The following LRRFIP1 variants were observed in gnomAD, a reference collection of about 807,000 sequenced individuals.
The protein encoded by LRRFIP1 is leucine-rich repeat flightless-interacting protein 1.
In LRRFIP1, 62 loss-of-function variants were observed where a neutral mutation model predicts 104.4. The observed-to-expected ratio is 0.59, with a 90% CI of 0.48 to 0.73. The LOEUF is 0.73. Among genes scored for constraint, LRRFIP1 ranks in the 30% least tolerant of loss-of-function variants. The pLI is 0.00. For synonymous variants in LRRFIP1, 300 were observed against 299.0 expected (o/e 1.00, Z -0.03); for missense variants, 796 against 824.5 (o/e 0.97, Z 0.42).
chr2:237,762,934 A>G (rs760850573), intron 19 of LRRFIP1: 103 of 1,614,146 alleles, frequency 6.4e-5, no homozygotes, highest in Middle Eastern at 1.6e-4. Flanking sequence ...CCCTTGAGCC[A>G]TCCAACTGTT....
chr2:237,705,547 C>T (rs2093760895), intron 1 of LRRFIP1, among the ~76,000 whole-genome samples: 1 of 152,042 alleles, frequency 6.6e-6, no homozygotes, highest in Non-Finnish European at 1.5e-5. Context: ...CCCTGTAGTG[C>T]CAGCTACTTG....
intron 1 of LRRFIP1, 142 bp from the exon 2 acceptor site, chr2:237,708,402 T>A: frequency 1.6e-6 from 1 of 621,658 alleles, no homozygotes. Flanking sequence ...CTGACCACCC[T>A]TTTACTCTAT....
intron 13 of LRRFIP1, 129 bp from the exon 14 acceptor site, chr2:237,751,071 G>A (rs142315972): frequency 1.3e-4 from 78 of 604,204 alleles, no homozygotes; most frequent in Middle Eastern, 1.3e-3. Context: ...TTCCCTTAAC[G>A]CTTAATAAAA....
rs752898710 is a variant in LRRFIP1, at chr2:237,720,826, A to G, written c.345+4A>G. 1.4e-5 allele frequency: 23 copies of G among 1,613,858 alleles called. No homozygotes were observed. In the East Asian group the frequency reaches 4.7e-4, roughly 33 times the overall value. On this transcript the variant is annotated splice_donor_region_variant and intron_variant, in intron 6 of 23. Coordinates refer to ENST00000308482, the MANE Select transcript of LRRFIP1 (RefSeq NM_001137550.2). ...GGGTAGTCGTGGAAGCCTGAGGGTC[A>G]GTAACCAGAATGATGGAGTTTGCAT... is the stretch of plus-strand genomic sequence containing the variant.
intron 10 of LRRFIP1, among the ~76,000 whole-genome samples, chr2:237,736,574 A>C (rs55981069): frequency 6.6e-6 from 1 of 152,326 alleles, no homozygotes; most frequent in East Asian, 1.9e-4. Context: ...GATGCTCTCC[A>C]GATGCTACTG....
At chr2:237,768,612 CAG>C (rs2060384758) in intron 19 of LRRFIP1, 1 of 152,088 alleles carries the variant, frequency 6.6e-6, no homozygotes, top group Non-Finnish European at 1.5e-5. Context: ...AAACATCTGT[CAG>C]AAGTAATTTG....
At chr2:237,689,473 C>G (rs899122120) in intron 1 of LRRFIP1, among the ~76,000 whole-genome samples, 3 of 152,098 alleles carry the variant, frequency 2.0e-5, no homozygotes, top group African/African-American at 7.2e-5. Flanking sequence ...AGAAACCAGC[C>G]ATTATTTTAT....
intron 1 of LRRFIP1, among the ~76,000 whole-genome samples, chr2:237,698,194 A>G (rs1396077327): frequency 6.6e-6 from 1 of 152,260 alleles, no homozygotes. Flanking sequence ...AAACAGACAC[A>G]GTCTGTGGAC....
chr2:237,647,983 AACTT>A (rs986685511), intron 1 of LRRFIP1, among the ~76,000 whole-genome samples: 1 of 152,114 alleles, frequency 6.6e-6, no homozygotes, highest in Non-Finnish European at 1.5e-5. Flanking sequence ...CTGGGGGAAG[AACTT>A]ACTTGTTTCT....
intron 14 of LRRFIP1, among the ~76,000 whole-genome samples, chr2:237,752,962 A>G (rs996365139): frequency 1.3e-5 from 2 of 152,084 alleles, no homozygotes; most frequent in South Asian, 4.1e-4. Context: ...ACAGCCTGAC[A>G]CCCAGCCCTA....
intron 1 of LRRFIP1, among the ~76,000 whole-genome samples, chr2:237,687,403 G>A (rs182678428): frequency 2.0e-5 from 3 of 151,910 alleles, no homozygotes; most frequent in Non-Finnish European, 2.9e-5. Context: ...TCAGGAGTTC[G>A]AGACCAGCCT....
intron 1 of LRRFIP1, among the ~76,000 whole-genome samples, chr2:237,666,767 C>CTCTGTCTCTT: frequency 8.0e-6 from 1 of 124,928 alleles, no homozygotes; most frequent in African/African-American, 3.0e-5. Context: ...CTTTCTTTCT[C>CTCTGTCTCTT]TCTTTCTCTC....
intron 21 of LRRFIP1, chr2:237,772,497 G>GAAA: frequency 8.1e-5 from 28 of 345,012 alleles, no homozygotes; most frequent in South Asian, 3.3e-4. Context: ...TTGATTGTAT[G>GAAA]AAAAAAAAAA....
chr2:237,750,058 A>AT (rs140580728), intron 13 of LRRFIP1, among the ~76,000 whole-genome samples: 9,147 of 152,114 alleles, frequency 0.06, 403 homozygotes, highest in East Asian at 0.14. Flanking sequence ...CAGATTCTGA[A>AT]TTTTCTAGTG....
chr2:237,651,454 T>C (rs1050581486), intron 1 of LRRFIP1, among the ~76,000 whole-genome samples: 1 of 152,230 alleles, frequency 6.6e-6, no homozygotes, highest in African/African-American at 2.4e-5. Context: ...TTGGTTTGAA[T>C]CAGGATCTAG....
At chr2:237,672,732 T>C (rs891057813) in intron 1 of LRRFIP1, among the ~76,000 whole-genome samples, 3 of 152,240 alleles carry the variant, frequency 2.0e-5, no homozygotes, top group Non-Finnish European at 4.4e-5. Flanking sequence ...GGTTTCCTTC[T>C]GATTCTTCTA....
At chr2:237,747,639 C>A (rs2058048100) in intron 11 of LRRFIP1, among the ~76,000 whole-genome samples, 1 of 152,202 alleles carries the variant, frequency 6.6e-6, no homozygotes, top group Non-Finnish European at 1.5e-5. Context: ...TCTTCTGAAT[C>A]AAACATATGG....
chr2:237,669,047 G>T (rs190091049), intron 1 of LRRFIP1, among the ~76,000 whole-genome samples: 17 of 152,150 alleles, frequency 1.1e-4, no homozygotes, highest in African/African-American at 4.1e-4. Flanking sequence ...TGTATCAAAT[G>T]CTCTGTAAAA....
Position 237,772,138 on chromosome 2 carries a change from C to T in LRRFIP1, c.1567C>T (p.Leu523Phe), listed in dbSNP as rs1255207522. ...ERQKIGKLDNLRSEDDVLENG... is the reference protein window; with the variant it reads ...ERQKIGKLDNFRSEDDVLENG... The stretch of plus-strand genomic sequence containing the variant: ...ACAGAAGATTGGCAAACTAGACAAT[C>T]TTCGATCTGAAGATGATGTCTTGGA... The change falls in exon 21 of 24, where the codon CTT (leucine) becomes TTT (phenylalanine). Residue 523 changes from leucine (L) to phenylalanine (F), a missense_variant. Leu to Phe is a conservative substitution (Grantham distance 22). Transcript: ENST00000308482. 5 of 1,613,966 alleles carry T rather than the reference C, an allele frequency of 3.1e-6. No individual in the cohort carries two copies. The South Asian group carries it at 5.5e-5, about 18-fold the overall frequency.
Sources: allele counts gnomAD v4.1 joint callset (sites outside exome capture counted in the v4.1 genomes callset), GRCh38; gene constraint gnomAD v4.1.1; transcripts MANE v1.5; gene names NCBI Gene and HGNC (gene_info 2026-07-23, HGNC 2026-07-21).